Variants in ADAM7 observed in about 807,000 individuals in gnomAD.
ADAM7 encodes the protein disintegrin and metalloproteinase domain-containing protein 7.
Under a neutral mutation model 102.9 loss-of-function variants are expected in ADAM7, and 97 were observed. The ratio of observed to expected loss-of-function variants is 0.94; its 90% CI spans 0.80 to 1.12. The LOEUF is 1.12. ADAM7 is among the 50% of genes most tolerant of loss of function. The pLI is 0.00. For synonymous variants in ADAM7, 334 were observed against 304.4 expected (o/e 1.10, Z -1.01); for missense variants, 991 against 908.7 (o/e 1.09, Z -1.16).
intron 20 of ADAM7, among the ~76,000 whole-genome samples, chr8:24,505,340 G>A (rs918494479): frequency 1.3e-5 from 2 of 151,956 alleles, no homozygotes; most frequent in African/African-American, 2.4e-5. Context: ...GTTAAATGAG[G>A]GGCACCTAGA....
At chr8:24,472,122 CAAAAAAA>C (rs55708871) in intron 7 of ADAM7, among the ~76,000 whole-genome samples, 2 of 102,772 alleles carry the variant, frequency 1.9e-5, no homozygotes, top group African/African-American at 6.6e-5. Context: ...AAAAAGATAA[CAAAAAAA>C]AAAAAAAAAC....
intron 20 of ADAM7, among the ~76,000 whole-genome samples, chr8:24,503,483 C>G (rs957891197): frequency 6.6e-6 from 1 of 152,088 alleles, no homozygotes; most frequent in Non-Finnish European, 1.5e-5. Context: ...TCTCAAGGAT[C>G]TAGAACTAGA....
rs1585848094 is a variant in ADAM7 at position 24,447,273 on chromosome 8, T to C, written c.233+11T>C. The C allele has an allele frequency of 1.4e-6, 2 of 1,466,998 alleles. No homozygotes were observed. The highest frequency in any genetic ancestry group is 1.9e-6 in the Non-Finnish European group (2 of 1,075,096). The allele number at this position is 1,466,998 out of a possible 1,614,324, so 90.9% of individuals were successfully genotyped here. On this transcript the variant is annotated intron_variant, in intron 3 of 21. Coordinates refer to ENST00000175238, the MANE Select transcript of ADAM7 (RefSeq NM_003817.4). ...TCTTCTAAGATCCAGGTAAGTTCTA[T>C]TGTGATTCCAGTACCTTATAGATTT...
At chr8:24,456,350 C>T (rs531821099) in intron 3 of ADAM7, among the ~76,000 whole-genome samples, 1 of 152,176 alleles carries the variant, frequency 6.6e-6, no homozygotes, top group Non-Finnish European at 1.5e-5. Flanking sequence ...GTATCTTTAC[C>T]ATATTCTCTT....
Position 24,501,530 on chromosome 8 carries a change from A to G in ADAM7, c.2162A>G (p.Gln721Arg), listed in dbSNP as rs1820758778. 6.2e-7 allele frequency: 1 copy of G among 1,609,410 alleles called. No homozygotes were observed. Among genetic ancestry groups the G allele is most frequent in the Admixed American group, 1.7e-5 (1 of 58,636 alleles). ...AACAAAGGATACTTTGGTGATGAGC[A>G]GCAGATAAGGACTGAGCCAATCCTG... ...VENKGYFGDE[Q>R]QIRTEPILPE... Residue 721 changes from glutamine (Q) to arginine (R), a missense_variant, in exon 20 of 22, where the codon CAG (glutamine) becomes CGG (arginine). Gln to Arg is a conservative substitution (Grantham distance 43). Coordinates refer to ENST00000175238, the MANE Select transcript of ADAM7 (RefSeq NM_003817.4).
intron 8 of ADAM7, among the ~76,000 whole-genome samples, chr8:24,480,280 G>A (rs908034896): frequency 6.6e-6 from 1 of 152,108 alleles, no homozygotes; most frequent in African/African-American, 2.4e-5. Flanking sequence ...AGATTGGGAG[G>A]TTACATAGCA....
rs1355727742 is a variant in ADAM7 at position 24,447,215 on chromosome 8, A to G, written c.186A>G (p.Glu62=). The change falls in exon 3 of 22, where the codon GAA becomes GAG. Residue 62 remains glutamate, a synonymous_variant. Transcript: ENST00000175238. ...CGTATGAAGAAGAATTGTTGTATGA[A>G]ATAAAACTAAATAGAAAAACCTTAG... ...LKTYEEELLY[E]IKLNRKTLVL... is the part of the protein sequence containing the mutation. The G allele has an allele frequency of 2.1e-5, 33 of 1,554,412 alleles. No homozygotes were observed. Among genetic ancestry groups the G allele is most frequent in the Non-Finnish European group, 2.8e-5 (32 of 1,138,462 alleles).
intron 20 of ADAM7, among the ~76,000 whole-genome samples, chr8:24,502,691 C>G (rs1428460104): frequency 6.6e-6 from 1 of 152,104 alleles, no homozygotes; most frequent in Admixed American, 6.6e-5. Flanking sequence ...TCATGAAAAA[C>G]AGATAACCTG....
At chr8:24,496,860 T>C (rs1405054281) in intron 16 of ADAM7, among the ~76,000 whole-genome samples, 2 of 152,190 alleles carry the variant, frequency 1.3e-5, no homozygotes, top group Non-Finnish European at 2.9e-5. Flanking sequence ...CTGTGGACTT[T>C]TGAGTTAATG....
Position 24,496,033 on chromosome 8 carries a change from G to C in ADAM7, c.1842+2804G>C, listed in dbSNP as rs111274830. ...TCCTATCACAGGCCCATAGGCCTAG[G>C]AGAAAATGGTTTAGTGGGCCAGGCC... On this transcript the variant is annotated intron_variant, in intron 16 of 21. Coordinates refer to ENST00000175238, the MANE Select transcript of ADAM7 (RefSeq NM_003817.4). 9.5e-3 allele frequency among the ~76,000 whole-genome samples: 1,454 copies of C among 152,318 alleles called. 16 individuals carry two copies. Among genetic ancestry groups the C allele is most frequent in the African/African-American group, 0.033 (1,390 of 41,576 alleles).
chr8:24,475,916 T>A, intron 7 of ADAM7: 1 of 456,576 alleles, frequency 2.2e-6, no homozygotes, highest in Non-Finnish European at 4.4e-6. Flanking sequence ...TTTGCCCTCG[T>A]AGCTATTTCC....
intron 3 of ADAM7, among the ~76,000 whole-genome samples, chr8:24,454,253 G>C (rs57730471): frequency 6.6e-6 from 1 of 152,260 alleles, no homozygotes; most frequent in Admixed American, 6.5e-5. Context: ...CCTGCCCCCA[G>C]AGGTGGAGCC....
chr8:24,472,429 G>C (rs973456158), intron 7 of ADAM7, among the ~76,000 whole-genome samples: 1 of 151,874 alleles, frequency 6.6e-6, no homozygotes, highest in Non-Finnish European at 1.5e-5. Context: ...AACCCAATTA[G>C]AAGTTATAAC....
intron 10 of ADAM7, among the ~76,000 whole-genome samples, chr8:24,485,728 G>A (rs1452828354): frequency 6.6e-6 from 1 of 151,986 alleles, no homozygotes; most frequent in East Asian, 1.9e-4. Flanking sequence ...CTGATAATAA[G>A]GCACATAAAC....
intron 5 of ADAM7, among the ~76,000 whole-genome samples, chr8:24,466,019 GATTACTGAAAA>G (rs1819412634): frequency 6.6e-6 from 1 of 152,212 alleles, no homozygotes; most frequent in Admixed American, 6.5e-5. Context: ...ATATTTGGAA[GATTACTGAAAA>G]TCATTTAGTC....
intron 7 of ADAM7, among the ~76,000 whole-genome samples, chr8:24,474,664 G>T (rs1271935854): frequency 2.0e-5 from 3 of 152,068 alleles, no homozygotes; most frequent in Non-Finnish European, 4.4e-5. Flanking sequence ...GCCGAGGTGG[G>T]AGGACTGCTT....
In ADAM7 at chr8:24,508,434, T is replaced by C. The variant is rs1364533831; in HGVS notation, c.*-112T>C. 4.5e-6 allele frequency: 5 copies of C among 1,105,374 alleles called. No individual in the cohort carries two copies. In the East Asian group the frequency reaches 9.8e-5, roughly 22 times the overall value. 68.5% of individuals were successfully genotyped at this position (1,105,374 alleles called of 1,614,324 possible). On this transcript the variant is annotated intron_variant, in intron 21 of 21. Transcript: ENST00000175238. ...ATAAAAGCATGAATAAATGTAGGAC[T>C]ACAGAACACAGAAAGGTTATTCTAA... is the stretch of plus-strand genomic sequence containing the variant.
At position 24,482,383 on chromosome 8, in the gene ADAM7, GAA is replaced by G. The variant is rs11348969; in HGVS notation, c.875+79_875+80del. The G allele has an allele frequency of 3.1e-5, 44 of 1,421,470 alleles. No homozygotes were observed. The Admixed American group carries it at 7.7e-4, about 25-fold the overall frequency. 88.1% of individuals were successfully genotyped at this position (1,421,470 alleles called of 1,614,324 possible). A position where few individuals can be genotyped will look rare whatever the true frequency, so the allele number is the denominator to read the frequency against. The stretch of plus-strand genomic sequence containing the variant: ...AAAAGAAAACAAAAAAAAATTAACA[GAA>G]AAAAAACATTTTTTAAGCATTTGAC... On this transcript the variant is annotated intron_variant, in intron 9 of 21. Transcript: ENST00000175238.
intron 20 of ADAM7, among the ~76,000 whole-genome samples, chr8:24,502,842 AAG>A (rs1181232934): frequency 6.6e-6 from 1 of 152,138 alleles, no homozygotes; most frequent in Non-Finnish European, 1.5e-5. Context: ...GATAATTGGA[AAG>A]AGGGGGAAAA....
Sources: allele counts gnomAD v4.1 joint callset (sites outside exome capture counted in the v4.1 genomes callset), GRCh38; gene constraint gnomAD v4.1.1; transcripts MANE v1.5; gene names NCBI Gene and HGNC (gene_info 2026-07-23, HGNC 2026-07-21).